SEC31A: variants seen among roughly 807,000 people sequenced by gnomAD.
SEC31A encodes SEC31 homolog A, COPII component.
Under a neutral mutation model 151.0 loss-of-function variants are expected in SEC31A, and 70 were observed. The ratio of observed to expected loss-of-function variants is 0.46; its 90% CI spans 0.38 to 0.57. The LOEUF (loss-of-function observed/expected upper bound fraction) is 0.57. SEC31A is among the 20% of genes least tolerant of loss of function. The pLI, the probability that SEC31A is intolerant of heterozygous loss-of-function variation, is 0.00. For missense variants in SEC31A, 1,330 were observed against 1,471.2 expected (o/e 0.90, Z 1.57); for synonymous variants, 475 against 505.9 (o/e 0.94, Z 0.82).
At chr4:82,883,042 C>A (rs1026862444) in intron 1 of SEC31A, among the ~76,000 whole-genome samples, 4 of 152,162 alleles carry the variant, frequency 2.6e-5, no homozygotes, top group African/African-American at 9.7e-5. Context: ...ATCACTTGAA[C>A]CCAGGTGGTG....
chr4:82,823,322 T>C (rs1309310876), intron 25 of SEC31A, among the ~76,000 whole-genome samples: 21 of 152,334 alleles, frequency 1.4e-4, no homozygotes, highest in Admixed American at 1.4e-3. Flanking sequence ...AGCCTGTCTA[T>C]TTAGAAGTGT....
intron 1 of SEC31A, among the ~76,000 whole-genome samples, chr4:82,883,658 A>T (rs916417904): frequency 1.3e-5 from 2 of 151,940 alleles, no homozygotes; most frequent in Non-Finnish European, 2.9e-5. Flanking sequence ...GTGAAATCCC[A>T]TCTCTAGAAA....
chr4:82,895,691 C>G (rs1240862341), upstream of SEC31A: 1 of 152,112 alleles, frequency 6.6e-6, no homozygotes, highest in Non-Finnish European at 1.5e-5. Context: ...AAGTCCCATA[C>G]CTTATTATAT....
chr4:82,863,893 A>G (rs1341866445), intron 11 of SEC31A, among the ~76,000 whole-genome samples: 2 of 152,148 alleles, frequency 1.3e-5, no homozygotes, highest in African/African-American at 4.8e-5. Context: ...ATTCCAGTGG[A>G]GGCAAAATGA....
intron 9 of SEC31A, 32 bp downstream of exon 9, chr4:82,867,123 T>C: frequency 6.3e-7 from 1 of 1,591,064 alleles, no homozygotes; most frequent in Admixed American, 1.7e-5. Context: ...TTTTCAGGCA[T>C]TATAATAGAA....
At position 82,861,728 on chromosome 4, in the gene SEC31A, T is replaced by C. The variant is rs780331400; in HGVS notation, c.1549-20A>G. 42 of 1,554,456 alleles carry C rather than the reference T, an allele frequency of 2.7e-5. No individual in the cohort carries two copies. The Admixed American group carries it at 3.6e-4, about 13-fold the overall frequency. On this transcript the variant is annotated intron_variant, in intron 13 of 26. Coordinates refer to ENST00000395310, the MANE Select transcript of SEC31A (RefSeq NM_001077207.4). ...AAGAGCCTTTGGTACACAAAACAATTACAGGGGAAGGTGAAGAATGTAGTA... is the reference window on the plus strand; with the variant it reads ...AAGAGCCTTTGGTACACAAAACAATCACAGGGGAAGGTGAAGAATGTAGTA...
intron 8 of SEC31A, among the ~76,000 whole-genome samples, chr4:82,868,600 A>T (rs190171118): frequency 6.6e-6 from 1 of 152,272 alleles, no homozygotes; most frequent in African/African-American, 2.4e-5. Context: ...CAAAGTTAGT[A>T]TGGTGGTTAA....
chr4:82,878,696 T>C (rs1480909725), intron 4 of SEC31A, 34 bp downstream of exon 4: 3 of 1,550,176 alleles, frequency 1.9e-6, no homozygotes, highest in Non-Finnish European at 1.8e-6. Context: ...GAGCAGCACA[T>C]AGTCTAAGAA....
chr4:82,890,668 A>T, intron 1 of SEC31A: 1 of 847,304 alleles, frequency 1.2e-6, no homozygotes, highest in African/African-American at 1.8e-5. Flanking sequence ...ATCTGGCAAT[A>T]GTTCAAGTAC....
At chr4:82,848,726 C>A in intron 20 of SEC31A, 78 bp downstream of exon 20, 1 of 1,262,806 alleles carries the variant, frequency 7.9e-7, no homozygotes, top group Non-Finnish European at 1.1e-6. Flanking sequence ...GAGAAGGTCT[C>A]CTGCTGAACA....
At position 82,828,914 on chromosome 4, in the gene SEC31A, G is replaced by A. The variant is rs1006580229; in HGVS notation, c.3027+86C>T. On this transcript the variant is annotated intron_variant, in intron 23 of 26. Coordinates refer to ENST00000395310, the MANE Select transcript of SEC31A (RefSeq NM_001077207.4). ...CACTCAGTAAGCTTCGCCTTTAAAA[G>A]GATCAGTGAAGTATAGTGTGTTCCA... 5 of 998,342 alleles carry A rather than the reference G, an allele frequency of 5.0e-6. No homozygotes were observed. In the African/African-American group the frequency reaches 6.4e-5, roughly 13 times the overall value. 61.8% of individuals were successfully genotyped at this position (998,342 alleles called of 1,614,324 possible). A position where few individuals can be genotyped will look rare whatever the true frequency, so the allele number is the denominator to read the frequency against.
Position 82,827,527 on chromosome 4 carries a change from G to C in SEC31A, c.3133C>G (p.Pro1045Ala). 6.2e-7 allele frequency: 1 copy of C among 1,614,242 alleles called. No homozygotes were observed. The highest frequency in any genetic ancestry group is 8.5e-7 in the Non-Finnish European group (1 of 1,180,040). The change falls in exon 24 of 27, where the codon CCA (proline) becomes GCA (alanine). Residue 1045 changes from proline (P) to alanine (A), a missense_variant. Transcript: ENST00000395310. ...MLQQQPSAPV[P>A]LSSQSSFPQP... Reference sequence around the variant, plus strand: ...GGGAATGAAGACTGGCTTGACAGTGGTACTGGAGCTGAAGGCTGTTGCTGC... The same window carrying C: ...GGGAATGAAGACTGGCTTGACAGTGCTACTGGAGCTGAAGGCTGTTGCTGC...
At chr4:82,871,847 A>AT in intron 7 of SEC31A, 97 bp downstream of exon 7, 1 of 1,488,338 alleles carries the variant, frequency 6.7e-7, no homozygotes, top group Non-Finnish European at 9.1e-7. Flanking sequence ...TAAAAAAAAA[A>AT]GTTCCTGTGT....
chr4:82,821,581 C>CAGATT (rs886119944), intron 25 of SEC31A: 4 of 127,950 alleles, frequency 3.1e-5, no homozygotes, highest in African/African-American at 1.2e-4. Flanking sequence ...GAAACTTGAA[C>CAGATT]AGATTATTAG....
At chr4:82,880,482 G>A (rs761257655) in intron 3 of SEC31A, among the ~76,000 whole-genome samples, 4 of 151,772 alleles carry the variant, frequency 2.6e-5, no homozygotes, top group Non-Finnish European at 5.9e-5. Context: ...CCAGCTACTC[G>A]GGAGGCTGAG....
chr4:82,878,869 A>G lies in SEC31A; in HGVS notation c.263T>C (p.Val88Ala). ...TCCATTTTCACCACCTGCAATCAGA[A>G]CTCCAGAGACATCTCCTTTGGAATC... ...KMDSKGDVSG[V>A]LIAGGENGNI... Residue 88 changes from valine to alanine, a missense_variant, in exon 4 of 27, where the codon GTT (valine) becomes GCT (alanine). Val to Ala is a moderately conservative substitution (Grantham distance 64). Coordinates refer to ENST00000395310, the MANE Select transcript of SEC31A (RefSeq NM_001077207.4). The G allele has an allele frequency of 1.2e-6, 2 of 1,614,054 alleles. No individual in the cohort carries two copies. Among genetic ancestry groups the G allele is most frequent in the Non-Finnish European group, 1.7e-6 (2 of 1,179,924 alleles).
At position 82,862,551 on chromosome 4, in the gene SEC31A, C is replaced by T; in HGVS notation, c.1531G>A (p.Val511Met). 1.2e-6 allele frequency: 2 copies of T among 1,613,806 alleles called. No individual in the cohort carries two copies. Among genetic ancestry groups the T allele is most frequent in the Non-Finnish European group, 1.7e-6 (2 of 1,179,782 alleles). ...GKKIALALNKVDGANVALKDS... is the reference protein window; with the variant it reads ...GKKIALALNKMDGANVALKDS... The stretch of plus-strand genomic sequence containing the variant: ...CTTCTTACCACATTGGCTCCATCCA[C>T]TTTGTTCAAGGCCAAAGCAATCTGA... The change falls in exon 13 of 27, where the codon GTG becomes ATG. Residue 511 changes from valine (V) to methionine (M), a missense_variant. By Grantham distance (21) the Val-to-Met change is conservative. Coordinates refer to ENST00000395310, the MANE Select transcript of SEC31A (RefSeq NM_001077207.4).
intron 3 of SEC31A, among the ~76,000 whole-genome samples, chr4:82,880,010 T>C (rs952795174): frequency 3.3e-5 from 5 of 151,970 alleles, no homozygotes; most frequent in Admixed American, 6.6e-5. Flanking sequence ...ATAAAGGAGA[T>C]AGAAAAAAGA....
At chr4:82,868,162 G>A (rs1431145872) in intron 8 of SEC31A, among the ~76,000 whole-genome samples, 1 of 152,152 alleles carries the variant, frequency 6.6e-6, no homozygotes, top group Non-Finnish European at 1.5e-5. Context: ...GGCATTAACA[G>A]CTTCCTTTAG....
Sources: allele counts gnomAD v4.1 joint callset (sites outside exome capture counted in the v4.1 genomes callset), GRCh38; gene constraint gnomAD v4.1.1; transcripts MANE v1.5; gene names NCBI Gene and HGNC (gene_info 2026-07-23, HGNC 2026-07-21).